The following TENM3 variants were observed in gnomAD, a reference collection of about 807,000 sequenced individuals.
TENM3 encodes teneurin transmembrane protein 3.
Under a neutral mutation model 255.1 loss-of-function variants are expected in TENM3, and 63 were observed. The ratio of observed to expected loss-of-function variants is 0.25; its 90% CI spans 0.20 to 0.30. The LOEUF (loss-of-function observed/expected upper bound fraction) is 0.30. Ranked by LOEUF, TENM3 falls within the 10% of genes least tolerant of loss-of-function variation. The pLI is 1.00. For synonymous variants in TENM3, 1,306 were observed against 1,322.3 expected, an observed-to-expected ratio of 0.99 and a Z score of 0.27; for missense variants, 2,929 against 3,461.1, an observed-to-expected ratio of 0.85 and a Z score of 3.86.
At chr4:181,627,234 T>G in the TENM3 span, among the ~76,000 whole-genome samples, 1 of 152,212 alleles carries the variant, frequency 6.6e-6, no homozygotes, top group Non-Finnish European at 1.5e-5. Flanking sequence ...ATACACAGTA[T>G]TTTACTAAAA....
At chr4:181,699,898 G>GT in the TENM3 span, among the ~76,000 whole-genome samples, 5 of 152,150 alleles carry the variant, frequency 3.3e-5, no homozygotes, top group Non-Finnish European at 7.4e-5. Context: ...AGAAGAGGAC[G>GT]TTTTTTCTTT....
At chr4:182,487,356 T>C (rs1734860221) in intron 3 of TENM3, among the ~76,000 whole-genome samples, 1 of 152,212 alleles carries the variant, frequency 6.6e-6, no homozygotes, top group Admixed American at 6.5e-5. Context: ...AGATAACAGA[T>C]TAACTGTATT....
chr4:182,560,709 C>T (rs180721817), intron 3 of TENM3, among the ~76,000 whole-genome samples: 3 of 152,224 alleles, frequency 2.0e-5, no homozygotes, highest in African/African-American at 4.8e-5. Context: ...GATAGCACCA[C>T]GTCTATAGCA....
At chr4:182,314,273 C>G (rs914528126) in intron 1 of TENM3, among the ~76,000 whole-genome samples, 2 of 151,916 alleles carry the variant, frequency 1.3e-5, no homozygotes, top group Non-Finnish European at 2.9e-5. Context: ...TACACTCCAG[C>G]CTGGGCGACA....
At chr4:181,867,970 A>G in the TENM3 span, among the ~76,000 whole-genome samples, 1 of 152,204 alleles carries the variant, frequency 6.6e-6, no homozygotes, top group South Asian at 2.1e-4. Flanking sequence ...AATTGAGGAA[A>G]AGTTTTCAAG....
chr4:182,042,666 A>G, the TENM3 span, among the ~76,000 whole-genome samples: 1 of 152,236 alleles, frequency 6.6e-6, no homozygotes, highest in Admixed American at 6.5e-5. Context: ...ACATTTTTAC[A>G]TCAGAGAAAT....
At chr4:182,709,540 G>C (rs146791128) in intron 12 of TENM3, among the ~76,000 whole-genome samples, 388 of 152,192 alleles carry the variant, frequency 2.5e-3, no homozygotes, top group Non-Finnish European at 4.5e-3. Context: ...CTTACAAAAT[G>C]TCTGCATTTT....
intron 5 of TENM3, among the ~76,000 whole-genome samples, chr4:182,648,605 A>G (rs182508851): frequency 2.0e-5 from 3 of 152,256 alleles, no homozygotes; most frequent in Admixed American, 2.0e-4. Context: ...TTATTTAAGT[A>G]TAATATACAT....
At chr4:181,974,939 C>T in the TENM3 span, among the ~76,000 whole-genome samples, 6 of 152,224 alleles carry the variant, frequency 3.9e-5, no homozygotes, top group Non-Finnish European at 8.8e-5. Flanking sequence ...CACTCCCTTC[C>T]CATCCTCCCT....
In TENM3 at chr4:182,540,755, A is replaced by C. The variant is rs543968652; in HGVS notation, c.512-60169A>C. Reference sequence around the variant, plus strand: ...ATAGCTCGGTGAAAAAAATAGATGCATATACATATATGGCTTCTGCTCTCA... The same window carrying C: ...ATAGCTCGGTGAAAAAAATAGATGCCTATACATATATGGCTTCTGCTCTCA... On this transcript the variant is annotated intron_variant, in intron 3 of 27. Coordinates refer to ENST00000511685, the MANE Select transcript of TENM3 (RefSeq NM_001080477.4). Among the ~76,000 whole-genome samples, 4 of 152,328 alleles carry C rather than the reference A, an allele frequency of 2.6e-5. No homozygotes were observed. The South Asian group carries it at 8.3e-4, about 32-fold the overall frequency.
intron 1 of TENM3, among the ~76,000 whole-genome samples, chr4:182,297,519 T>C (rs1475035096): frequency 6.6e-6 from 1 of 152,204 alleles, no homozygotes; most frequent in Non-Finnish European, 1.5e-5. Context: ...GATTTCGTCT[T>C]CATTACTTCT....
the TENM3 span, among the ~76,000 whole-genome samples, chr4:181,852,254 T>C: frequency 6.6e-6 from 1 of 152,224 alleles, no homozygotes; most frequent in African/African-American, 2.4e-5. Context: ...AATAAGTCAG[T>C]GTTGTGTGAC....
chr4:182,390,394 G>A (rs1768340734), intron 3 of TENM3, among the ~76,000 whole-genome samples: 1 of 152,120 alleles, frequency 6.6e-6, no homozygotes. Flanking sequence ...AAAGAGCTAT[G>A]GCCTTTTTGT....
At chr4:181,852,423 C>G in the TENM3 span, among the ~76,000 whole-genome samples, 1,116 of 152,288 alleles carry the variant, frequency 7.3e-3, 5 homozygotes, top group Non-Finnish European at 0.011. Flanking sequence ...AAATCATTTA[C>G]TCTTTCAGGG....
At chr4:182,655,573 C>T (rs988026322) in intron 6 of TENM3, among the ~76,000 whole-genome samples, 9 of 152,164 alleles carry the variant, frequency 5.9e-5, no homozygotes, top group African/African-American at 2.2e-4. Context: ...AATCCTCGCT[C>T]TTTCGCCTGT....
At chr4:182,182,466 A>G (rs1052962536) in intron 1 of TENM3, among the ~76,000 whole-genome samples, 1 of 152,184 alleles carries the variant, frequency 6.6e-6, no homozygotes, top group Non-Finnish European at 1.5e-5. Context: ...AGGTAAGATA[A>G]GGGCACTAAA....
intron 11 of TENM3, among the ~76,000 whole-genome samples, chr4:182,686,164 CAATA>C (rs1343093096): frequency 9.2e-5 from 14 of 151,904 alleles, no homozygotes; most frequent in East Asian, 5.8e-4. Context: ...ATTTAACTCT[CAATA>C]AATAGAGTAG....
At chr4:181,586,424 A>AT in the TENM3 span, among the ~76,000 whole-genome samples, 2 of 152,206 alleles carry the variant, frequency 1.3e-5, no homozygotes, top group African/African-American at 4.8e-5. Context: ...CAACTAGACA[A>AT]TGAGTCCAAG....
At chr4:182,609,724 A>G (rs1355425891) in intron 4 of TENM3, among the ~76,000 whole-genome samples, 1 of 152,190 alleles carries the variant, frequency 6.6e-6, no homozygotes, top group Non-Finnish European at 1.5e-5. Context: ...TAAAATCTCA[A>G]CATCCTACTA....
Sources: gnomAD v4.1 joint callset for allele counts (sites outside exome capture counted in the v4.1 genomes callset) on GRCh38, gnomAD v4.1.1 for gene constraint, MANE v1.5 for transcripts, NCBI Gene and HGNC (gene_info 2026-07-23, HGNC 2026-07-21) for gene names.